CRPPA: variants seen among roughly 807,000 people sequenced by gnomAD.
The protein encoded by CRPPA is D-ribitol-5-phosphate cytidylyltransferase.
Under a neutral mutation model 52.0 loss-of-function variants are expected in CRPPA, and 43 were observed. The observed-to-expected ratio is 0.83, with a 90% CI of 0.65 to 1.07. The LOEUF (loss-of-function observed/expected upper bound fraction) is 1.07, where lower values mean the gene tolerates loss of function less well. CRPPA is among the 50% of genes least tolerant of loss of function. CRPPA has a pLI of 0.00. For synonymous variants in CRPPA, 250 were observed against 203.5 expected (o/e 1.23, Z -1.94); for missense variants, 629 against 551.7 (o/e 1.14, Z -1.40).
At chr7:16,211,800 T>G (rs1527222) in intron 9 of CRPPA, among the ~76,000 whole-genome samples, 12,152 of 152,178 alleles carry the variant, frequency 0.08, 566 homozygotes, top group East Asian at 0.14. Flanking sequence ...CCTAAGGTAA[T>G]TACAAGGAGT....
At chr7:16,365,601 T>C (rs1432621463) in intron 3 of CRPPA, among the ~76,000 whole-genome samples, 1 of 152,198 alleles carries the variant, frequency 6.6e-6, no homozygotes, top group Non-Finnish European at 1.5e-5. Context: ...TTATAAATGA[T>C]GTTGAAAAAT....
At chr7:16,206,198 T>C (rs1019874654) in intron 9 of CRPPA, among the ~76,000 whole-genome samples, 1 of 152,004 alleles carries the variant, frequency 6.6e-6, no homozygotes, top group Non-Finnish European at 1.5e-5. Context: ...GGTCAAAATA[T>C]TTTTTTTGTT....
intron 3 of CRPPA, among the ~76,000 whole-genome samples, chr7:16,370,526 C>G (rs184332130): frequency 2.0e-5 from 3 of 152,134 alleles, no homozygotes; most frequent in African/African-American, 7.2e-5. Context: ...AATATCACTG[C>G]AGTCTAGCAC....
At chr7:16,255,687 C>T (rs181043657) in intron 8 of CRPPA, among the ~76,000 whole-genome samples, 80 of 152,028 alleles carry the variant, frequency 5.3e-4, no homozygotes, top group African/African-American at 1.7e-3. Flanking sequence ...AAACAAGCAA[C>T]GAGGAAAGGA....
At chr7:16,373,649 G>T (rs1583556806) in intron 3 of CRPPA, among the ~76,000 whole-genome samples, 1 of 152,270 alleles carries the variant, frequency 6.6e-6, no homozygotes, top group East Asian at 1.9e-4. Flanking sequence ...AGACAGAAAA[G>T]AATTCCTTGA....
chr7:16,216,143 T>G lies in CRPPA; in HGVS notation c.1174A>C (p.Met392Leu). The change falls in exon 9 of 10, where the codon ATG becomes CTG. Residue 392 changes from methionine to leucine, a missense_variant. Coordinates refer to ENST00000407010, the MANE Select transcript of CRPPA (RefSeq NM_001101426.4). ...TCCTTTGCAAATTCTCTAATCTGCA[T>G]TAGGTTTTCCATTTTCTGACTGGGA... The part of the protein sequence containing the change: ...VPPSQKMENL[M>L]QIREFAKEVK... 1.3e-6 allele frequency: 2 copies of G among 1,594,516 alleles called. No homozygotes were observed. The highest frequency in any genetic ancestry group is 1.7e-6 in the Non-Finnish European group (2 of 1,164,348).
At chr7:16,384,343 T>C (rs139290600) in intron 2 of CRPPA, among the ~76,000 whole-genome samples, 1 of 152,296 alleles carries the variant, frequency 6.6e-6, no homozygotes, top group African/African-American at 2.4e-5. Context: ...TGGAGATACA[T>C]GAGCACAAAA....
chr7:16,178,325 T>C (rs1781346213), intron 9 of CRPPA, among the ~76,000 whole-genome samples: 1 of 152,038 alleles, frequency 6.6e-6, no homozygotes, highest in African/African-American at 2.4e-5. Context: ...TAAAAGTGAG[T>C]TATTAGCGAT....
chr7:16,339,471 G>A lies in CRPPA; in HGVS notation c.685-30844C>T, dbSNP rs533403134. On this transcript the variant is annotated intron_variant, in intron 3 of 9. Transcript: ENST00000407010. ...TCACATGATCATATCAATAGATGGA[G>A]AAAACGTATTTGATAAAAATCCAAC... 3.9e-5 allele frequency among the ~76,000 whole-genome samples: 6 copies of A among 152,238 alleles called. No homozygotes were observed. The East Asian group carries it at 1.2e-3, about 30-fold the overall frequency.
At chr7:16,300,347 G>A (rs899932405) in intron 5 of CRPPA, among the ~76,000 whole-genome samples, 3 of 151,956 alleles carry the variant, frequency 2.0e-5, no homozygotes, top group Non-Finnish European at 4.4e-5. Flanking sequence ...TTTCTACTTC[G>A]AAAAAAGTTT....
rs1371439232 is a variant in CRPPA, at chr7:16,091,814, T to G, written c.1252-15A>C. 7.2e-7 allele frequency: 1 copy of G among 1,381,448 alleles called. No homozygotes were observed. Among genetic ancestry groups the G allele is most frequent in the Non-Finnish European group, 9.7e-7 (1 of 1,027,778 alleles). The allele number at this position is 1,381,448 out of a possible 1,614,324, so 85.6% of individuals were successfully genotyped here. ...TTCTGATCATCCTGAAAAGAAAGGA[T>G]AAACCAGTAATATTTTAGAAAAAAC... On this transcript the variant is annotated splice_polypyrimidine_tract_variant and intron_variant, in intron 9 of 9. Transcript: ENST00000407010.
Position 16,091,742 on chromosome 7 carries a change from T to C in CRPPA, c.1309A>G (p.Ile437Val), listed in dbSNP as rs1265136013. 1.3e-6 allele frequency: 2 copies of C among 1,564,790 alleles called. No individual in the cohort carries two copies. The highest frequency in any genetic ancestry group is 1.7e-6 in the Non-Finnish European group (2 of 1,153,260). The change falls in exon 10 of 10, where the codon ATC becomes GTC. Residue 437 changes from isoleucine to valine, a missense_variant. Physicochemically the swap from Ile to Val is conservative, Grantham distance 29. Transcript: ENST00000407010. ...RQGAIIIASLIKERNSGLIGQ... is the reference protein window; with the variant it reads ...RQGAIIIASLVKERNSGLIGQ... ...ATGAGTCCAGAATTTCTTTCCTTGA[T>C]TAATGAAGCAATAATGATAGCACCT... is the stretch of plus-strand genomic sequence containing the variant.
At chr7:16,210,972 A>G (rs1782119212) in intron 9 of CRPPA, among the ~76,000 whole-genome samples, 1 of 152,226 alleles carries the variant, frequency 6.6e-6, no homozygotes, top group South Asian at 2.1e-4. Context: ...CTAGAAGAGC[A>G]TAACTAAAAT....
intron 6 of CRPPA, chr7:16,262,149 T>G (rs1783827725): frequency 1.3e-5 from 2 of 152,166 alleles, no homozygotes; most frequent in African/African-American, 4.8e-5. Flanking sequence ...AATATGCCCT[T>G]TTAGATCAAA....
chr7:16,288,799 T>C (rs913019566), intron 5 of CRPPA, among the ~76,000 whole-genome samples: 1 of 126,484 alleles, frequency 7.9e-6, no homozygotes, highest in Non-Finnish European at 1.6e-5. Context: ...TGAGCTGATA[T>C]CGCACCACTG....
At chr7:16,175,651 T>C (rs1339513763) in intron 9 of CRPPA, among the ~76,000 whole-genome samples, 1 of 152,180 alleles carries the variant, frequency 6.6e-6, no homozygotes, top group East Asian at 1.9e-4. Context: ...CCCATTATAT[T>C]ATTCTTTTAA....
At chr7:16,315,881 C>A (rs1583513379) in intron 3 of CRPPA, among the ~76,000 whole-genome samples, 2 of 152,080 alleles carry the variant, frequency 1.3e-5, no homozygotes, top group Non-Finnish European at 2.9e-5. Flanking sequence ...TCTGTAGTCA[C>A]CTGTCTGTCT....
chr7:16,091,498 T>A lies in CRPPA; in HGVS notation c.*197A>T. ...TTTTCTGGTTCAGGCAATTAATATT[T>A]GTCATACACAAAAGTATTCTTTATT... On this transcript the variant is annotated 3_prime_UTR_variant, in exon 10 of 10. Coordinates refer to ENST00000407010, the MANE Select transcript of CRPPA (RefSeq NM_001101426.4). The A allele has an allele frequency of 2.3e-6, 1 of 442,322 alleles. No homozygotes were observed. Among genetic ancestry groups the A allele is most frequent in the Non-Finnish European group, 3.9e-6 (1 of 254,432 alleles). 27.4% of individuals were successfully genotyped at this position (442,322 alleles called of 1,614,324 possible).
At chr7:16,280,829 G>A (rs1784306105) in intron 5 of CRPPA, among the ~76,000 whole-genome samples, 1 of 152,252 alleles carries the variant, frequency 6.6e-6, no homozygotes, top group East Asian at 1.9e-4. Context: ...AGACCAGCCT[G>A]GGCAACATGG....
Sources: allele counts gnomAD v4.1 joint callset (sites outside exome capture counted in the v4.1 genomes callset), GRCh38; gene constraint gnomAD v4.1.1; transcripts MANE v1.5; gene names NCBI Gene and HGNC (gene_info 2026-07-23, HGNC 2026-07-21).